GTPBP6: variants seen among roughly 807,000 people sequenced by gnomAD.
The protein encoded by GTPBP6 is GTP binding protein 6, also known as putative GTP-binding protein 6.
A neutral mutation model predicts 28.9 loss-of-function variants in GTPBP6; 33 were observed. That is an observed-to-expected ratio of 1.14 (90% CI 0.87 to 1.53). GTPBP6 has a LOEUF of 1.53. GTPBP6 is among the 40% of genes most tolerant of loss of function. The probability of loss-of-function intolerance (pLI) is 0.00; values close to 1 mark genes in which losing one functional copy is unlikely to be tolerated. For synonymous variants in GTPBP6, 231 were observed against 192.7 expected (o/e 1.20, Z -1.65); for missense variants, 507 against 408.3 (o/e 1.24, Z -2.08).
At chrX:307,375 G>C in exon 9 of GTPBP6, 1 of 1,612,362 alleles carries the variant, frequency 6.2e-7, no homozygotes, top group Middle Eastern at 1.8e-4. Context: ...CTGCGCCCCT[G>C]CGAGCCTCAC....
At chrX:318,767 G>A (rs1315470048) in exon 1 of GTPBP6, 31 of 308,840 alleles carry the variant, frequency 1.0e-4, no homozygotes, top group Non-Finnish European at 1.8e-5. Context: ...CCGGGCGTAC[G>A]GCGGCCCGCA....
chrX:313,020 C>T lies in GTPBP6; in HGVS notation c.758-96G>A, dbSNP rs1358187303. On this transcript the variant is annotated intron_variant, in intron 5 of 9. Coordinates refer to ENST00000326153, the Ensembl canonical transcript of GTPBP6. ...AGGGTCTGCGGGGGCCCGGGGCCTG[C>T]TCCCGCTCCAGCATCTGGGGGCCCG... 7 of 1,086,280 alleles carry T rather than the reference C, an allele frequency of 6.4e-6. No individual in the cohort carries two copies. In the Admixed American group the frequency reaches 1.5e-4, roughly 23 times the overall value. 67.3% of individuals were successfully genotyped at this position (1,086,280 alleles called of 1,614,324 possible). A position where few individuals can be genotyped will look rare whatever the true frequency, so the allele number is the denominator to read the frequency against.
rs192001818 is a variant in GTPBP6, at chrX:308,642, T to C, written c.1126-762A>G. Reference sequence around the variant, plus strand: ...CTGCAGTGAGCCGAGATCATACCACTGCGGTTCAGTCTGGGTGACAGAGCG... The same window carrying C: ...CTGCAGTGAGCCGAGATCATACCACCGCGGTTCAGTCTGGGTGACAGAGCG... On this transcript the variant is annotated intron_variant, in intron 7 of 9. Coordinates refer to ENST00000326153, the Ensembl canonical transcript of GTPBP6. Among the ~76,000 whole-genome samples, 467 of 151,606 alleles carry C rather than the reference T, an allele frequency of 3.1e-3. 2 individuals are homozygous for C. Among genetic ancestry groups the C allele is most frequent in the African/African-American group, 1.0e-2 (412 of 41,306 alleles).
chrX:318,008 C>G (rs1228856940), intron 1 of GTPBP6, among the ~76,000 whole-genome samples: 2 of 137,190 alleles, frequency 1.5e-5, no homozygotes, highest in African/African-American at 2.8e-5. Flanking sequence ...AGCGCCACGC[C>G]CTGGCATCTC....
chrX:310,234 G>C (rs1317488392), intron 7 of GTPBP6, among the ~76,000 whole-genome samples: 5 of 151,738 alleles, frequency 3.3e-5, no homozygotes, highest in South Asian at 2.1e-4. Flanking sequence ...TCCTGGATTA[G>C]GGTGGACCCT....
intron 7 of GTPBP6, among the ~76,000 whole-genome samples, chrX:309,647 C>T (rs1208425524): frequency 6.6e-6 from 1 of 151,992 alleles, no homozygotes; most frequent in African/African-American, 2.4e-5. Flanking sequence ...GAGGCAGAGA[C>T]TGGAGTGGTG....
At chrX:313,119 C>T (rs1035475406) in intron 5 of GTPBP6, among the ~76,000 whole-genome samples, 195 bp from the exon 6 acceptor site, 6 of 152,218 alleles carry the variant, frequency 3.9e-5, no homozygotes, top group African/African-American at 1.2e-4. Context: ...AACGGGATCT[C>T]GCCTCCGGGT....
intron 5 of GTPBP6, among the ~76,000 whole-genome samples, chrX:313,310 CT>C (rs2070353552): frequency 6.6e-6 from 1 of 152,186 alleles, no homozygotes; most frequent in South Asian, 2.1e-4. Context: ...GAAATATGGT[CT>C]TTGTAGGGTC....
exon 6 of GTPBP6, chrX:312,856 C>G: frequency 1.2e-6 from 2 of 1,612,836 alleles, no homozygotes; most frequent in South Asian, 1.1e-5. Context: ...CGAAGCCTGT[C>G]CAAGGCCTTC....
chrX:311,303 G>A lies in GTPBP6; in HGVS notation c.1125+116C>T, dbSNP rs868863388. ...GGCTGAGTGGGTGTCCGAGGGCCCG[G>A]CCCCTGGGCTGAGTGGGTGTCCGAG... is the stretch of plus-strand genomic sequence containing the variant. On this transcript the variant is annotated intron_variant, in intron 7 of 9. Coordinates refer to ENST00000326153, the Ensembl canonical transcript of GTPBP6. 7.6e-4 allele frequency: 413 copies of A among 545,986 alleles called. 1 individual carries two copies. The highest frequency in any genetic ancestry group is 3.4e-3 in the African/African-American group (138 of 40,452). 33.8% of individuals were successfully genotyped at this position (545,986 alleles called of 1,614,324 possible). A position where few individuals can be genotyped will look rare whatever the true frequency, so the allele number is the denominator to read the frequency against.
chrX:307,344 C>A lies in GTPBP6; in HGVS notation c.1427+16G>T, dbSNP rs760450490. The A allele has an allele frequency of 6.2e-6, 10 of 1,610,568 alleles. No homozygotes were observed. In the African/African-American group the frequency reaches 1.3e-4, roughly 22 times the overall value. On this transcript the variant is annotated intron_variant, in intron 9 of 9. Transcript: ENST00000326153. ...CCAAAGCACCATCCCGTCTCCTGCC[C>A]CTGCAGGCCGCTCACCTGAGCTGCG...
intron 1 of GTPBP6, among the ~76,000 whole-genome samples, chrX:317,695 A>ACCCCC (rs2070463521): frequency 1.3e-5 from 1 of 74,812 alleles, no homozygotes; most frequent in Non-Finnish European, 2.5e-5. Flanking sequence ...CGGCCCACCC[A>ACCCCC]ACCCCACCCC....
Position 312,750 on chromosome X carries a change from CT to C in GTPBP6, c.916+15del, listed in dbSNP as rs749979102. On this transcript the variant is annotated intron_variant, in intron 6 of 9. Coordinates refer to ENST00000326153, the Ensembl canonical transcript of GTPBP6. ...ACGGAGACCGCGGAAGGCCCCTCCC[CT>C]GGGCGCGTGCTCACCGCAGTTGGTG... The C allele has an allele frequency of 8.8e-6, 14 of 1,595,810 alleles. No homozygotes were observed. In the South Asian group the frequency reaches 1.1e-4, roughly 13 times the overall value.
intron 9 of GTPBP6, among the ~76,000 whole-genome samples, chrX:305,631 T>C (rs2070145110): frequency 1.8e-5 from 2 of 114,262 alleles, no homozygotes; most frequent in Non-Finnish European, 3.4e-5. Context: ...TTTTATTTTT[T>C]ATTTTTTTTT....
chrX:318,063 G>T (rs1312770318), intron 1 of GTPBP6, among the ~76,000 whole-genome samples: 1 of 123,938 alleles, frequency 8.1e-6, no homozygotes, highest in East Asian at 2.4e-4. Flanking sequence ...CTGAAGCCCC[G>T]CCCCTACGTC....
intron 1 of GTPBP6, 108 bp from the exon 2 acceptor site, chrX:317,159 G>A: frequency 2.5e-6 from 1 of 398,230 alleles, no homozygotes; most frequent in Non-Finnish European, 4.4e-6. Context: ...CCCGGAGAAG[G>A]CACCTTGAGC....
intron 9 of GTPBP6, 72 bp downstream of exon 9, chrX:307,288 A>G: frequency 1.4e-6 from 2 of 1,462,832 alleles, no homozygotes; most frequent in Non-Finnish European, 1.9e-6. Flanking sequence ...TGCACCCACG[A>G]AGAGCCCGTT....
intron 9 of GTPBP6, among the ~76,000 whole-genome samples, chrX:305,487 A>C (rs185323819): frequency 1.3e-5 from 2 of 151,222 alleles, no homozygotes; most frequent in Non-Finnish European, 1.5e-5. Flanking sequence ...ACACCTGGCT[A>C]ATTTTTTGTG....
chrX:313,870 G>T (rs2070367091), intron 5 of GTPBP6, among the ~76,000 whole-genome samples: 1 of 152,080 alleles, frequency 6.6e-6, no homozygotes, highest in Non-Finnish European at 1.5e-5. Flanking sequence ...GATCTCTGCT[G>T]TTTAAATCCC....
Sources: allele counts gnomAD v4.1 joint callset (sites outside exome capture counted in the v4.1 genomes callset), GRCh38; gene constraint gnomAD v4.1.1; transcripts MANE v1.5; gene names NCBI Gene and HGNC (gene_info 2026-07-23, HGNC 2026-07-21).